FHIT: variants seen among roughly 807,000 people sequenced by gnomAD.
The protein encoded by FHIT is bis(5'-adenosyl)-triphosphatase.
A neutral mutation model predicts 17.9 loss-of-function variants in FHIT; 19 were observed. The ratio of observed to expected loss-of-function variants is 1.06; its 90% CI spans 0.74 to 1.56. FHIT has a LOEUF of 1.56. FHIT is among the 40% of genes most tolerant of loss of function. The pLI, the probability that FHIT is intolerant of heterozygous loss-of-function variation, is 0.00. For synonymous variants in FHIT, 81 were observed against 69.7 expected (o/e 1.16, Z -0.81); for missense variants, 248 against 189.2 (o/e 1.31, Z -1.82).
chr3:60,787,052 C>T (rs1344202468), intron 4 of FHIT, among the ~76,000 whole-genome samples: 1 of 150,976 alleles, frequency 6.6e-6, no homozygotes, highest in African/African-American at 2.4e-5. Context: ...AGGGTGTCTC[C>T]ATCCTTAAAT....
chr3:60,919,782 T>A (rs1434653272), intron 3 of FHIT, among the ~76,000 whole-genome samples: 1 of 152,190 alleles, frequency 6.6e-6, no homozygotes, highest in Non-Finnish European at 1.5e-5. Context: ...ATGCTTGTAA[T>A]CCCAGCACTT....
chr3:60,927,454 G>A (rs1360416965), intron 3 of FHIT, among the ~76,000 whole-genome samples: 1 of 152,170 alleles, frequency 6.6e-6, no homozygotes, highest in Non-Finnish European at 1.5e-5. Flanking sequence ...AATCATCTGG[G>A]ATGTGAGGAG....
intron 4 of FHIT, among the ~76,000 whole-genome samples, chr3:60,687,763 T>G (rs567064971): frequency 6.6e-6 from 1 of 152,158 alleles, no homozygotes; most frequent in Non-Finnish European, 1.5e-5. Context: ...TAAAGTGTCA[T>G]ACAACAATTC....
At chr3:60,860,170 G>GA (rs1703598027) in intron 3 of FHIT, among the ~76,000 whole-genome samples, 23 of 81,324 alleles carry the variant, frequency 2.8e-4, no homozygotes, top group African/African-American at 5.8e-4. Context: ...TACATCATAT[G>GA]TATATATGGT....
chr3:60,956,049 C>T (rs1242780393), intron 3 of FHIT, among the ~76,000 whole-genome samples: 1 of 152,144 alleles, frequency 6.6e-6, no homozygotes, highest in Non-Finnish European at 1.5e-5. Context: ...ATTTTGTCCT[C>T]ATGCAACTAG....
intron 3 of FHIT, among the ~76,000 whole-genome samples, chr3:60,935,014 C>A (rs1708129022): frequency 6.6e-6 from 1 of 152,090 alleles, no homozygotes; most frequent in Admixed American, 6.6e-5. Flanking sequence ...TTCTGTGAAG[C>A]CTTCCCCAAA....
chr3:61,196,379 T>C (rs2038854329), intron 2 of FHIT, among the ~76,000 whole-genome samples: 1 of 152,182 alleles, frequency 6.6e-6, no homozygotes, highest in South Asian at 2.1e-4. Context: ...GGTATTTCTT[T>C]ATACACTGAG....
intron 3 of FHIT, among the ~76,000 whole-genome samples, chr3:60,961,648 G>A (rs1421625745): frequency 6.6e-6 from 1 of 152,066 alleles, no homozygotes; most frequent in Non-Finnish European, 1.5e-5. Context: ...TCTACATATG[G>A]CTAGCCAGTT....
intron 4 of FHIT, among the ~76,000 whole-genome samples, chr3:60,818,167 T>C (rs1701802516): frequency 6.6e-6 from 1 of 152,184 alleles, no homozygotes; most frequent in African/African-American, 2.4e-5. Flanking sequence ...CTATTATTTG[T>C]GGAGCATGGT....
intron 4 of FHIT, among the ~76,000 whole-genome samples, chr3:60,590,825 G>T (rs775653443): frequency 6.6e-6 from 1 of 152,054 alleles, no homozygotes; most frequent in African/African-American, 2.4e-5. Context: ...TGACTTAAAC[G>T]CAAAGGGACA....
chr3:60,255,962 A>G (rs1177987679), intron 5 of FHIT, among the ~76,000 whole-genome samples: 1 of 152,166 alleles, frequency 6.6e-6, no homozygotes, highest in Non-Finnish European at 1.5e-5. Context: ...TAAGTGAAAC[A>G]CTTGAAATTA....
At chr3:60,716,945 C>A (rs534640976) in intron 4 of FHIT, among the ~76,000 whole-genome samples, 181 of 152,264 alleles carry the variant, frequency 1.2e-3, no homozygotes, top group Non-Finnish European at 2.0e-3. Flanking sequence ...ACTGTATATA[C>A]AATGGAATAC....
rs62238510 is a variant in FHIT, at chr3:60,205,111, T to C, written c.104-190959A>G. On this transcript the variant is annotated intron_variant, in intron 5 of 9. Coordinates refer to ENST00000492590, the MANE Select transcript of FHIT (RefSeq NM_002012.4). ...CCTGCCTCAAAAAAAAAAAAAAAAT[T>C]ATATGAGCTTTTTGTACAGTGATAA... 3.4e-3 allele frequency among the ~76,000 whole-genome samples: 511 copies of C among 151,284 alleles called. 2 individuals are homozygous for C. The highest frequency in any genetic ancestry group is 0.012 in the African/African-American group (479 of 41,236).
chr3:60,419,021 T>A (rs1026419493), intron 5 of FHIT, among the ~76,000 whole-genome samples: 1 of 152,152 alleles, frequency 6.6e-6, no homozygotes, highest in African/African-American at 2.4e-5. Flanking sequence ...CAAATGACCT[T>A]CATCATCTTC....
intron 5 of FHIT, among the ~76,000 whole-genome samples, chr3:60,114,874 A>T (rs996352143): frequency 6.6e-6 from 1 of 152,164 alleles, no homozygotes; most frequent in African/African-American, 2.4e-5. Flanking sequence ...AGGTCAACTG[A>T]CAGAAGAGAG....
At chr3:60,536,450 T>C (rs1461812300) in intron 5 of FHIT, 1 of 159,098 alleles carries the variant, frequency 6.3e-6, no homozygotes. Context: ...CTCACATATC[T>C]TACTTCCACA....
intron 8 of FHIT, among the ~76,000 whole-genome samples, chr3:59,814,831 C>T (rs895917980): frequency 2.0e-4 from 30 of 152,230 alleles, no homozygotes; most frequent in African/African-American, 7.0e-4. Context: ...CCTTTGCTGA[C>T]TCTGCTTGTC....
Position 60,229,396 on chromosome 3 carries a change from A to C in FHIT, c.104-215244T>G, listed in dbSNP as rs149107178. On this transcript the variant is annotated intron_variant, in intron 5 of 9. Coordinates refer to ENST00000492590, the MANE Select transcript of FHIT (RefSeq NM_002012.4). ...CCTGCCACTGTACTCCAGCCTGAGCAACAAAGTGAGTGAGACATCATCAAA... is the reference window on the plus strand; with the variant it reads ...CCTGCCACTGTACTCCAGCCTGAGCCACAAAGTGAGTGAGACATCATCAAA... 1.2e-4 allele frequency among the ~76,000 whole-genome samples: 18 copies of C among 151,724 alleles called. 1 individual carries two copies. The East Asian group carries it at 3.3e-3, about 28-fold the overall frequency.
At chr3:60,979,167 G>C (rs900178472) in intron 3 of FHIT, among the ~76,000 whole-genome samples, 1 of 152,166 alleles carries the variant, frequency 6.6e-6, no homozygotes, top group Admixed American at 6.5e-5. Flanking sequence ...TCCAACAACA[G>C]ATTTCCCTTC....
Sources: allele counts gnomAD v4.1 joint callset (sites outside exome capture counted in the v4.1 genomes callset), GRCh38; gene constraint gnomAD v4.1.1; transcripts MANE v1.5; gene names NCBI Gene and HGNC (gene_info 2026-07-23, HGNC 2026-07-21).